Variants in CTNNA2 observed in about 807,000 individuals in gnomAD.
CTNNA2 encodes catenin alpha-2.
Under a neutral mutation model 101.0 loss-of-function variants are expected in CTNNA2, and 42 were observed. The observed-to-expected ratio is 0.42, with a 90% CI of 0.32 to 0.54. The LOEUF (loss-of-function observed/expected upper bound fraction) is 0.54, where lower values mean the gene tolerates loss of function less well. CTNNA2 is among the 20% of genes least tolerant of loss of function. CTNNA2 has a pLI of 0.14. For missense variants in CTNNA2, 871 were observed against 1,223.1 expected (o/e 0.71, Z 4.29); for synonymous variants, 450 against 456.4 (o/e 0.99, Z 0.18).
chr2:79,846,781 C>G (rs1283849970), intron 3 of CTNNA2, among the ~76,000 whole-genome samples: 1 of 149,950 alleles, frequency 6.7e-6, no homozygotes. Context: ...TGAGTTCCAC[C>G]AATGAGCTCA....
At chr2:79,189,383 C>T (rs1308597362) in intron 1 of CTNNA2, among the ~76,000 whole-genome samples, 1 of 152,008 alleles carries the variant, frequency 6.6e-6, no homozygotes, top group East Asian at 1.9e-4. Flanking sequence ...TTATTTTCTA[C>T]TTCATTGATG....
intron 2 of CTNNA2, among the ~76,000 whole-genome samples, chr2:79,699,317 T>C (rs1684839049): frequency 6.6e-6 from 1 of 152,096 alleles, no homozygotes; most frequent in Admixed American, 6.6e-5. Context: ...CATTCCTGAT[T>C]CATTAATAAG....
At chr2:79,808,283 A>C (rs1480047710) in intron 3 of CTNNA2, among the ~76,000 whole-genome samples, 2 of 152,164 alleles carry the variant, frequency 1.3e-5, no homozygotes, top group Admixed American at 1.3e-4. Flanking sequence ...AGAAGGAGGA[A>C]GGACTACTGG....
intron 7 of CTNNA2, among the ~76,000 whole-genome samples, chr2:80,254,140 A>G (rs982378659): frequency 2.0e-5 from 3 of 151,940 alleles, no homozygotes; most frequent in Admixed American, 2.0e-4. Flanking sequence ...TTGTTCTTCA[A>G]CTCTATCTAT....
At chr2:79,488,922 C>T (rs1671183145) in intron 4 of CTNNA2, among the ~76,000 whole-genome samples, 1 of 152,126 alleles carries the variant, frequency 6.6e-6, no homozygotes, top group African/African-American at 2.4e-5. Flanking sequence ...ATTGCATGTC[C>T]AAAGTTGTCC....
chr2:79,333,894 T>G (rs928483608), intron 3 of CTNNA2, among the ~76,000 whole-genome samples: 10 of 152,264 alleles, frequency 6.6e-5, no homozygotes, highest in African/African-American at 2.2e-4. Flanking sequence ...TAAAGCATTT[T>G]TTATATACCT....
intron 1 of CTNNA2, chr2:79,195,785 C>T (rs1456348785): frequency 2.0e-6 from 1 of 509,132 alleles, no homozygotes; most frequent in Non-Finnish European, 3.9e-6. Flanking sequence ...ATCTCAGAAT[C>T]CTCCTCACAC....
At chr2:80,080,015 T>C (rs1699039088) in intron 7 of CTNNA2, among the ~76,000 whole-genome samples, 1 of 152,152 alleles carries the variant, frequency 6.6e-6, no homozygotes, top group African/African-American at 2.4e-5. Context: ...AAATAATGAT[T>C]TGAGCCTTGC....
intron 9 of CTNNA2, among the ~76,000 whole-genome samples, chr2:80,529,614 T>C (rs1225121922): frequency 1.3e-5 from 2 of 152,136 alleles, no homozygotes; most frequent in Non-Finnish European, 2.9e-5. Context: ...CTTGCTAAAC[T>C]TGGATCCCAC....
chr2:80,249,487 T>C (rs769236319), intron 7 of CTNNA2, among the ~76,000 whole-genome samples: 2 of 152,206 alleles, frequency 1.3e-5, no homozygotes, highest in African/African-American at 4.8e-5. Flanking sequence ...TAACCACTTA[T>C]TGAGCATGTA....
chr2:79,542,552 A>G (rs183267291), intron 1 of CTNNA2, among the ~76,000 whole-genome samples: 43 of 152,280 alleles, frequency 2.8e-4, no homozygotes, highest in African/African-American at 8.9e-4. Flanking sequence ...ATTGCTCACT[A>G]AAACTGGGCA....
intron 7 of CTNNA2, among the ~76,000 whole-genome samples, chr2:80,380,912 T>C (rs541312257): frequency 6.6e-6 from 1 of 152,290 alleles, no homozygotes; most frequent in South Asian, 2.1e-4. Context: ...TGAGGAATAT[T>C]TGGGACGATG....
chr2:80,022,947 T>C (rs1353208658), intron 7 of CTNNA2, among the ~76,000 whole-genome samples: 1 of 152,210 alleles, frequency 6.6e-6, no homozygotes, highest in African/African-American at 2.4e-5. Context: ...CTCCCTCCAA[T>C]GGAAAGACAA....
chr2:80,385,033 A>G (rs1346213247), intron 7 of CTNNA2, among the ~76,000 whole-genome samples: 1 of 152,152 alleles, frequency 6.6e-6, no homozygotes, highest in Non-Finnish European at 1.5e-5. Context: ...CAAGTGTGTC[A>G]TTCATTGACT....
intron 7 of CTNNA2, among the ~76,000 whole-genome samples, chr2:80,131,055 G>C (rs914550490): frequency 6.6e-6 from 1 of 150,626 alleles, no homozygotes; most frequent in Non-Finnish European, 1.5e-5. Context: ...CTGTTTTTTT[G>C]TTTGTTTGTT....
At chr2:79,997,790 C>T (rs926385671) in intron 7 of CTNNA2, among the ~76,000 whole-genome samples, 4 of 152,092 alleles carry the variant, frequency 2.6e-5, no homozygotes, top group Non-Finnish European at 4.4e-5. Context: ...TCTTCTAAAC[C>T]GCGTTGCACC....
rs1294396514 is a variant in CTNNA2, at chr2:79,820,451, T to C, written c.299-37562T>C. On this transcript the variant is annotated intron_variant, in intron 3 of 18. Transcript: ENST00000402739. ...CAAGTACTAAAACAGATGGAAGCTGTAGATTTCCAAGTTGGCTGAAATCCT... is the reference window on the plus strand; with the variant it reads ...CAAGTACTAAAACAGATGGAAGCTGCAGATTTCCAAGTTGGCTGAAATCCT... Among the ~76,000 whole-genome samples the C allele has an allele frequency of 2.0e-5, 3 of 152,226 alleles. No homozygotes were observed. In the East Asian group the frequency reaches 5.8e-4, roughly 29 times the overall value.
chr2:79,457,511 A>G (rs767619523), intron 4 of CTNNA2, among the ~76,000 whole-genome samples: 3 of 152,206 alleles, frequency 2.0e-5, no homozygotes, highest in Non-Finnish European at 4.4e-5. Flanking sequence ...TAAAATGTTA[A>G]TTCCATTTTA....
At chr2:80,057,546 G>A (rs1218743620) in intron 7 of CTNNA2, among the ~76,000 whole-genome samples, 1 of 152,136 alleles carries the variant, frequency 6.6e-6, no homozygotes, top group Admixed American at 6.6e-5. Context: ...TTGCATCTGG[G>A]CCCAGTACTT....
Sources: gnomAD v4.1 joint callset for allele counts (sites outside exome capture counted in the v4.1 genomes callset) on GRCh38, gnomAD v4.1.1 for gene constraint, MANE v1.5 for transcripts, NCBI Gene and HGNC (gene_info 2026-07-23, HGNC 2026-07-21) for gene names.